Variants in ATP1B3 observed in about 807,000 individuals in gnomAD.
The protein encoded by ATP1B3 is sodium/potassium-transporting ATPase subunit beta-3.
Under a neutral mutation model 30.2 loss-of-function variants are expected in ATP1B3, and 10 were observed. That is an observed-to-expected ratio of 0.33 (90% CI 0.20 to 0.56). ATP1B3 has a LOEUF of 0.56. Ranked by LOEUF, ATP1B3 falls within the 20% of genes least tolerant of loss-of-function variation. ATP1B3 has a pLI of 0.90. For synonymous variants in ATP1B3, 113 were observed against 117.0 expected (o/e 0.97, Z 0.22); for missense variants, 238 against 336.7 (o/e 0.71, Z 2.29).
intron 1 of ATP1B3, among the ~76,000 whole-genome samples, chr3:141,901,820 A>G (rs895795234): frequency 6.6e-6 from 1 of 152,230 alleles, no homozygotes; most frequent in African/African-American, 2.4e-5. Flanking sequence ...CTGCTAAATA[A>G]TTAAACTCTT....
At chr3:141,912,441 T>C (rs1031059898) in intron 3 of ATP1B3, among the ~76,000 whole-genome samples, 1 of 152,074 alleles carries the variant, frequency 6.6e-6, no homozygotes, top group African/African-American at 2.4e-5. Context: ...TTGTGTATTT[T>C]TAGTAGAGTC....
At position 141,925,723 on chromosome 3, in the gene ATP1B3, G is replaced by C; in HGVS notation, c.*22G>C. ...ATAGTATGAGTAGGATATCTCCACA[G>C]AGTAAATGTTGTGTTGTCTGTCTTC... On this transcript the variant is annotated 3_prime_UTR_variant, in exon 7 of 7. Coordinates refer to ENST00000286371, the MANE Select transcript of ATP1B3 (RefSeq NM_001679.4). The C allele has an allele frequency of 6.3e-7, 1 of 1,598,460 alleles. No individual in the cohort carries two copies. The highest frequency in any genetic ancestry group is 1.1e-5 in the South Asian group (1 of 87,702).
chr3:141,920,224 G>A (rs1251253941), intron 5 of ATP1B3, among the ~76,000 whole-genome samples: 1 of 152,100 alleles, frequency 6.6e-6, no homozygotes, highest in Non-Finnish European at 1.5e-5. Flanking sequence ...TGTCCACTAA[G>A]GCTTGTTAGG....
chr3:141,898,095 C>T (rs1214202946), intron 1 of ATP1B3, among the ~76,000 whole-genome samples: 1 of 152,120 alleles, frequency 6.6e-6, no homozygotes, highest in African/African-American at 2.4e-5. Flanking sequence ...AAACCATATA[C>T]AAAAATTAAC....
intron 3 of ATP1B3, 36 bp from the exon 4 acceptor site, chr3:141,913,616 T>G: frequency 6.6e-7 from 1 of 1,507,492 alleles, no homozygotes. Flanking sequence ...GTACCTTTTT[T>G]GGCTGATCTA....
chr3:141,907,364 A>G, intron 3 of ATP1B3, 90 bp downstream of exon 3: 1 of 1,015,156 alleles, frequency 9.9e-7, no homozygotes, highest in Non-Finnish European at 1.4e-6. Context: ...TCACGCCTGT[A>G]ATCCCAGCAC....
At chr3:141,880,713 A>G (rs1933705197) in intron 1 of ATP1B3, among the ~76,000 whole-genome samples, 1 of 152,210 alleles carries the variant, frequency 6.6e-6, no homozygotes, top group African/African-American at 2.4e-5. Context: ...TTTTGCATAT[A>G]TAGATACCCC....
intron 1 of ATP1B3, chr3:141,901,999 C>A: frequency 1.9e-6 from 1 of 534,096 alleles, no homozygotes; most frequent in Non-Finnish European, 3.1e-6. Context: ...TCCCTTCGTT[C>A]CTGCAGACAC....
intron 3 of ATP1B3, among the ~76,000 whole-genome samples, chr3:141,911,690 T>A (rs1934364042): frequency 6.6e-6 from 1 of 152,200 alleles, no homozygotes; most frequent in Admixed American, 6.5e-5. Context: ...AGACAGGGTT[T>A]CACCATGTTG....
intron 4 of ATP1B3, among the ~76,000 whole-genome samples, chr3:141,914,900 G>T (rs1934428302): frequency 6.6e-6 from 1 of 152,132 alleles, no homozygotes; most frequent in Non-Finnish European, 1.5e-5. Context: ...AGCATTCTAG[G>T]TGCTCAGTAA....
In ATP1B3 at chr3:141,883,634, C is replaced by G. The variant is rs1933777229; in HGVS notation, c.109+6724C>G. Among the ~76,000 whole-genome samples the G allele has an allele frequency of 2.6e-5, 4 of 152,114 alleles. No homozygotes were observed. In the South Asian group the frequency reaches 8.3e-4, roughly 31 times the overall value. On this transcript the variant is annotated intron_variant, in intron 1 of 6. Transcript: ENST00000286371. Reference sequence around the variant, plus strand: ...CTATAATCTTATTCTTGTCTTATTCCTCTTTGATTCTCTAACCCCTGGCCT... The same window carrying G: ...CTATAATCTTATTCTTGTCTTATTCGTCTTTGATTCTCTAACCCCTGGCCT...
chr3:141,922,474 G>A (rs764237562), intron 6 of ATP1B3, among the ~76,000 whole-genome samples: 26 of 151,880 alleles, frequency 1.7e-4, no homozygotes, highest in Non-Finnish European at 2.9e-4. Flanking sequence ...CCAACTTGGC[G>A]AAACCCCCTC....
chr3:141,924,656 A>G (rs1934622537), intron 6 of ATP1B3, among the ~76,000 whole-genome samples: 1 of 151,944 alleles, frequency 6.6e-6, no homozygotes, highest in Admixed American at 6.6e-5. Context: ...AAAGAATATT[A>G]AAAAATAATG....
At chr3:141,904,203 G>T (rs1374276233) in intron 2 of ATP1B3, among the ~76,000 whole-genome samples, 2 of 151,966 alleles carry the variant, frequency 1.3e-5, no homozygotes, top group African/African-American at 4.8e-5. Context: ...TTTAATTTTT[G>T]TTGTTGTTGT....
At position 141,904,703 on chromosome 3, in the gene ATP1B3, C is replaced by CTTTTTTTT. The variant is rs35178202; in HGVS notation, c.238+971_238+978dup. ...CCTGATTTTATTCTTTTTAAACAGT[C>CTTTTTTTT]TTTTTTTTTTTTTTTTTTTTTTTGA... is the stretch of plus-strand genomic sequence containing the variant. On this transcript the variant is annotated intron_variant, in intron 2 of 6. Coordinates refer to ENST00000286371, the MANE Select transcript of ATP1B3 (RefSeq NM_001679.4). Among the ~76,000 whole-genome samples the CTTTTTTTT allele has an allele frequency of 2.5e-3, 220 of 89,370 alleles. 9 individuals carry two copies. Among genetic ancestry groups the CTTTTTTTT allele is most frequent in the Non-Finnish European group, 3.5e-3 (171 of 48,448 alleles). 58.6% of individuals were successfully genotyped at this position (89,370 alleles called of 152,430 possible). A position where few individuals can be genotyped will look rare whatever the true frequency, so the allele number is the denominator to read the frequency against.
intron 3 of ATP1B3, among the ~76,000 whole-genome samples, chr3:141,908,695 T>G (rs1010999443): frequency 4.6e-5 from 7 of 152,358 alleles, no homozygotes; most frequent in African/African-American, 1.7e-4. Flanking sequence ...CTGGTAATCC[T>G]ATGGAATTTC....
intron 1 of ATP1B3, among the ~76,000 whole-genome samples, chr3:141,895,428 G>A (rs1934046729): frequency 6.6e-6 from 1 of 152,024 alleles, no homozygotes; most frequent in Non-Finnish European, 1.5e-5. Flanking sequence ...GACCTCAGGT[G>A]ATGCACCTGC....
chr3:141,881,953 A>G (rs923810955), intron 1 of ATP1B3, among the ~76,000 whole-genome samples: 4 of 152,096 alleles, frequency 2.6e-5, no homozygotes, highest in African/African-American at 9.7e-5. Flanking sequence ...AGGGAGAGAA[A>G]GGGTAAGTGT....
At chr3:141,889,305 A>G (rs928132069) in intron 1 of ATP1B3, among the ~76,000 whole-genome samples, 5 of 152,136 alleles carry the variant, frequency 3.3e-5, no homozygotes, top group Non-Finnish European at 5.9e-5. Flanking sequence ...TATAGAATAT[A>G]TATATTTCTT....
Sources: allele counts gnomAD v4.1 joint callset (sites outside exome capture counted in the v4.1 genomes callset), GRCh38; gene constraint gnomAD v4.1.1; transcripts MANE v1.5; gene names NCBI Gene and HGNC (gene_info 2026-07-23, HGNC 2026-07-21).